Variants in GALNT5 observed in about 807,000 individuals in gnomAD.
The protein encoded by GALNT5 is polypeptide N-acetylgalactosaminyltransferase 5.
In GALNT5, 72 loss-of-function variants were observed where a neutral mutation model predicts 85.4. The observed-to-expected ratio is 0.84, with a 90% CI of 0.70 to 1.03. The LOEUF (loss-of-function observed/expected upper bound fraction) is 1.03, where lower values mean the gene tolerates loss of function less well. GALNT5 is among the 50% of genes least tolerant of loss of function. The probability of loss-of-function intolerance (pLI) is 0.00; values close to 1 mark genes in which losing one functional copy is unlikely to be tolerated. For synonymous variants in GALNT5, 404 were observed against 397.0 expected, an observed-to-expected ratio of 1.02 and a Z score of -0.21; for missense variants, 1,137 against 1,135.5, an observed-to-expected ratio of 1.00 and a Z score of -0.02.
Position 157,311,932 on chromosome 2 carries a change from T to C in GALNT5, c.*584T>C, listed in dbSNP as rs1479919411. The stretch of plus-strand genomic sequence containing the variant: ...ACCCTGCTTGATGGCAGCATTTTGA[T>C]CTAAATTACATAATGGTTTTTCCCA... On this transcript the variant is annotated 3_prime_UTR_variant, in exon 10 of 10. Transcript: ENST00000259056. The C allele has an allele frequency of 1.3e-5, 2 of 152,190 alleles. No individual in the cohort carries two copies. Among genetic ancestry groups the C allele is most frequent in the Non-Finnish European group, 2.9e-5 (2 of 68,028 alleles). The allele number at this position is 152,190 out of a possible 1,614,324, so 9.4% of individuals were successfully genotyped here. A position where few individuals can be genotyped will look rare whatever the true frequency, so the allele number is the denominator to read the frequency against.
chr2:157,259,056 T>C lies in GALNT5; in HGVS notation c.974T>C (p.Ile325Thr), dbSNP rs369761672. ...LNFSESHLVI[I>T]TKEEEQKADP... ...TTCTCTGAAAGCCATCTTGTGATTA[T>C]AACCAAAGAGGAAGAGCAAAAGGCA... The change falls in exon 1 of 10, where the codon ATA becomes ACA. Residue 325 changes from isoleucine (I) to threonine (T), a missense_variant. Ile to Thr is a moderately conservative substitution (Grantham distance 89). Coordinates refer to ENST00000259056, the MANE Select transcript of GALNT5 (RefSeq NM_014568.3). 2.7e-6 allele frequency: 4 copies of C among 1,475,736 alleles called. No individual in the cohort carries two copies. Among genetic ancestry groups the C allele is most frequent in the Admixed American group, 2.4e-5 (1 of 42,450 alleles). 91.4% of individuals were successfully genotyped at this position (1,475,736 alleles called of 1,614,324 possible).
chr2:157,307,730 T>A (rs16841563), intron 8 of GALNT5, among the ~76,000 whole-genome samples: 19,215 of 152,202 alleles, frequency 0.13, 2,461 homozygotes, highest in African/African-American at 0.33. Context: ...AAATGATTCA[T>A]TAGGTAAAGG....
intron 3 of GALNT5, among the ~76,000 whole-genome samples, chr2:157,293,712 C>T (rs897324484): frequency 3.9e-5 from 6 of 152,100 alleles, no homozygotes; most frequent in African/African-American, 1.4e-4. Context: ...TGCAAAAATG[C>T]CATTGTTAAC....
intron 1 of GALNT5, among the ~76,000 whole-genome samples, chr2:157,281,145 C>T (rs765971558): frequency 2.0e-5 from 3 of 152,204 alleles, no homozygotes; most frequent in Non-Finnish European, 2.9e-5. Flanking sequence ...CACACTACAA[C>T]CTCCACCTCC....
At chr2:157,286,893 A>T (rs971675331) in intron 3 of GALNT5, among the ~76,000 whole-genome samples, 24 of 135,894 alleles carry the variant, frequency 1.8e-4, no homozygotes, top group African/African-American at 2.5e-4. Context: ...TTTAAATACC[A>T]GTGTGTGTGT....
intron 8 of GALNT5, among the ~76,000 whole-genome samples, chr2:157,306,890 G>C (rs977689782): frequency 6.6e-6 from 1 of 152,082 alleles, no homozygotes; most frequent in Non-Finnish European, 1.5e-5. Context: ...GTGAAGAAGT[G>C]TTAAAACTCA....
chr2:157,308,814 A>G (rs576830858), intron 9 of GALNT5, 86 bp downstream of exon 9: 2 of 1,055,984 alleles, frequency 1.9e-6, no homozygotes, highest in South Asian at 3.2e-5. Flanking sequence ...CACCTTCCTC[A>G]GTCAGAAGTT....
chr2:157,316,329 A>G lies in GALNT5; in HGVS notation c.*4981A>G, dbSNP rs1022921843. Among the ~76,000 whole-genome samples the G allele has an allele frequency of 3.3e-5, 5 of 150,992 alleles. No individual in the cohort carries two copies. Among genetic ancestry groups the G allele is most frequent in the Non-Finnish European group, 7.4e-5 (5 of 67,604 alleles). On this transcript the variant is annotated 3_prime_UTR_variant, in exon 10 of 10. Coordinates refer to ENST00000259056, the MANE Select transcript of GALNT5 (RefSeq NM_014568.3). ...AGTGGCTTGGGGGCTGCTTTTTATT[A>G]AAGGAAAAATCCACCGAGAACTATT...
chr2:157,315,456 A>C lies in GALNT5; in HGVS notation c.*4108A>C, dbSNP rs149827738. ...CTTCTTTACAAAGGGCTGTCATCTC[A>C]GGTGGGTGCATTTAAAAGTTTCTTG... On this transcript the variant is annotated 3_prime_UTR_variant, in exon 10 of 10. Coordinates refer to ENST00000259056, the MANE Select transcript of GALNT5 (RefSeq NM_014568.3). 5.8e-4 allele frequency among the ~76,000 whole-genome samples: 88 copies of C among 152,338 alleles called. No individual in the cohort carries two copies. The highest frequency in any genetic ancestry group is 2.0e-3 in the African/African-American group (84 of 41,580).
At position 157,315,886 on chromosome 2, in the gene GALNT5, C is replaced by T. The variant is rs1045761786; in HGVS notation, c.*4538C>T. Among the ~76,000 whole-genome samples the T allele has an allele frequency of 3.3e-5, 5 of 152,224 alleles. No homozygotes were observed. Among genetic ancestry groups the T allele is most frequent in the Middle Eastern group, 3.4e-3 (1 of 294 alleles). On this transcript the variant is annotated 3_prime_UTR_variant, in exon 10 of 10. Transcript: ENST00000259056. ...ATAGATAAAGAAGAGAGTGAGAAAG[C>T]TTCCTCATGTTGAGAAAGACAGTTG...
chr2:157,311,428 C>A lies in GALNT5; in HGVS notation c.*80C>A. Reference sequence around the variant, plus strand: ...TGAACTTGGAAACTATATTTCTCAGCGGTAGTTTAAATTTTCAATTTTAAT... The same window carrying A: ...TGAACTTGGAAACTATATTTCTCAGAGGTAGTTTAAATTTTCAATTTTAAT... On this transcript the variant is annotated 3_prime_UTR_variant, in exon 10 of 10. Transcript: ENST00000259056. The A allele has an allele frequency of 7.6e-6, 7 of 926,618 alleles. No homozygotes were observed. Among genetic ancestry groups the A allele is most frequent in the South Asian group, 1.8e-5 (1 of 54,436 alleles). 57.4% of individuals were successfully genotyped at this position (926,618 alleles called of 1,614,324 possible).
Position 157,314,802 on chromosome 2 carries a change from A to G in GALNT5, c.*3454A>G, listed in dbSNP as rs1683660610. On this transcript the variant is annotated 3_prime_UTR_variant, in exon 10 of 10. Transcript: ENST00000259056. Reference sequence around the variant, plus strand: ...ATACAAGAAAAAAAATTTACCAACCAGGCGCAGTGGCTCACACCTGTAATC... The same window carrying G: ...ATACAAGAAAAAAAATTTACCAACCGGGCGCAGTGGCTCACACCTGTAATC... Among the ~76,000 whole-genome samples the G allele has an allele frequency of 6.6e-6, 1 of 152,134 alleles. No individual in the cohort carries two copies. The highest frequency in any genetic ancestry group is 2.4e-5 in the African/African-American group (1 of 41,426).
At position 157,258,086 on chromosome 2, in the gene GALNT5, A is replaced by C. The variant is rs1361829747; in HGVS notation, c.4A>C (p.Asn2His). MNRIRKFFRGSG... is the reference protein window; with the variant it reads MHRIRKFFRGSG... The stretch of plus-strand genomic sequence containing the variant: ...CTGCTAGGGAAAGCTTTGTACCATG[A>C]ACAGGATCCGAAAGTTTTTCCGAGG... Residue 2 changes from asparagine (N) to histidine (H), a missense_variant, in exon 1 of 10, where the codon AAC becomes CAC. Coordinates refer to ENST00000259056, the MANE Select transcript of GALNT5 (RefSeq NM_014568.3). 2 of 1,613,326 alleles carry C rather than the reference A, an allele frequency of 1.2e-6. No individual in the cohort carries two copies. Among genetic ancestry groups the C allele is most frequent in the African/African-American group, 2.7e-5 (2 of 74,900 alleles).
intron 3 of GALNT5, among the ~76,000 whole-genome samples, chr2:157,291,070 C>T (rs6437045): frequency 0.95 from 144,502 of 152,190 alleles, 68,697 homozygotes; most frequent in East Asian, 1. Context: ...TAAGAATTGC[C>T]CACTATATGA....
At chr2:157,308,751 T>C (rs1217680643) in intron 9 of GALNT5, 23 bp downstream of exon 9, 1 of 1,577,254 alleles carries the variant, frequency 6.3e-7, no homozygotes, top group Admixed American at 1.8e-5. Context: ...TTGGTACCTC[T>C]TCTTTACCAC....
Position 157,316,101 on chromosome 2 carries a change from T to C in GALNT5, c.*4753T>C, listed in dbSNP as rs1683696669. Among the ~76,000 whole-genome samples, 1 of 152,106 alleles carries C rather than the reference T, an allele frequency of 6.6e-6. No homozygotes were observed. Among genetic ancestry groups the C allele is most frequent in the Non-Finnish European group, 1.5e-5 (1 of 68,014 alleles). On this transcript the variant is annotated 3_prime_UTR_variant, in exon 10 of 10. Coordinates refer to ENST00000259056, the MANE Select transcript of GALNT5 (RefSeq NM_014568.3). ...TGCAAATGCATCTTCTACCTGGCTG[T>C]CACCATGACATTTGCACACGTGGCT...
In GALNT5 at chr2:157,259,200, C is replaced by T; in HGVS notation, c.1118C>T (p.Pro373Leu). The T allele has an allele frequency of 1.3e-6, 2 of 1,569,734 alleles. No individual in the cohort carries two copies. The highest frequency in any genetic ancestry group is 1.7e-6 in the Non-Finnish European group (2 of 1,163,086). The stretch of plus-strand genomic sequence containing the variant: ...GAGATGTCTTCCTCTTCACTTGCTC[C>T]ACATAGAGTGCCACTGTCCCAAACT... ...RSEMSSSSLAPHRVPLSQTNH... is the reference protein window; with the variant it reads ...RSEMSSSSLALHRVPLSQTNH... The change falls in exon 1 of 10, where the codon CCA becomes CTA. Residue 373 changes from proline (P) to leucine (L), a missense_variant. Coordinates refer to ENST00000259056, the MANE Select transcript of GALNT5 (RefSeq NM_014568.3).
Position 157,311,218 on chromosome 2 carries a change from T to A in GALNT5, c.2693T>A (p.Ile898Asn), listed in dbSNP as rs1209709660. The change falls in exon 10 of 10, where the codon ATT (isoleucine) becomes AAT (asparagine). Residue 898 changes from isoleucine to asparagine, a missense_variant. Physicochemically the swap from Ile to Asn is moderately radical, Grantham distance 149. Transcript: ENST00000259056. ...SVFHPELVNH[I>N]VFENNQQLLC... ...CTTCTTTCTCTCCAGGTGAATCACA[T>A]TGTTTTTGAAAACAATCAGCAATTA... 6.2e-7 allele frequency: 1 copy of A among 1,610,166 alleles called. No homozygotes were observed. Among genetic ancestry groups the A allele is most frequent in the Non-Finnish European group, 8.5e-7 (1 of 1,177,640 alleles).
chr2:157,307,042 G>A (rs1348720565), intron 8 of GALNT5, among the ~76,000 whole-genome samples: 1 of 151,592 alleles, frequency 6.6e-6, no homozygotes, highest in Non-Finnish European at 1.5e-5. Flanking sequence ...TCATAGCAGG[G>A]AGTTTTTGTG....
Sources: gnomAD v4.1 joint callset for allele counts (sites outside exome capture counted in the v4.1 genomes callset) on GRCh38, gnomAD v4.1.1 for gene constraint, MANE v1.5 for transcripts, NCBI Gene and HGNC (gene_info 2026-07-23, HGNC 2026-07-21) for gene names.